The following TMPRSS12 variants were observed in gnomAD, a reference collection of about 807,000 sequenced individuals.
TMPRSS12 encodes the protein transmembrane protease serine 12.
A neutral mutation model predicts 26.0 loss-of-function variants in TMPRSS12; 25 were observed. That is an observed-to-expected ratio of 0.96 (90% CI 0.70 to 1.34). The LOEUF (loss-of-function observed/expected upper bound fraction) is 1.34, where lower values mean the gene tolerates loss of function less well. Among genes scored for constraint, TMPRSS12 ranks in the 40% most tolerant of loss-of-function variants. The pLI, the probability that TMPRSS12 is intolerant of heterozygous loss-of-function variation, is 0.00. For synonymous variants in TMPRSS12, 150 were observed against 161.7 expected, an observed-to-expected ratio of 0.93 and a Z score of 0.55; for missense variants, 441 against 440.1, an observed-to-expected ratio of 1.00 and a Z score of -0.02.
At chr12:50,874,886 C>T (rs937524484) in intron 3 of TMPRSS12, among the ~76,000 whole-genome samples, 7 of 151,888 alleles carry the variant, frequency 4.6e-5, no homozygotes, top group Non-Finnish European at 7.4e-5. Context: ...ACCAAGGAGG[C>T]GAAAGATCTC....
At chr12:50,876,308 T>C (rs1185709351) in intron 3 of TMPRSS12, among the ~76,000 whole-genome samples, 2 of 152,224 alleles carry the variant, frequency 1.3e-5, no homozygotes, top group Admixed American at 6.5e-5. Flanking sequence ...GAATAGAAAT[T>C]AGTTCAGCTT....
chr12:50,859,916 A>AT lies in TMPRSS12; in HGVS notation c.652+870dup, dbSNP rs1440879369. Among the ~76,000 whole-genome samples the AT allele has an allele frequency of 1.4e-4, 21 of 152,216 alleles. No homozygotes were observed. The South Asian group carries it at 1.5e-3, about 11-fold the overall frequency. ...TGCCTGACTGTGTTTCACTCTGTGT[A>AT]TTTTTTTATCACTTTATGCCATGAG... On this transcript the variant is annotated intron_variant, in intron 3 of 4. Transcript: ENST00000398458.
chr12:50,872,948 A>G (rs1938080361), intron 3 of TMPRSS12, among the ~76,000 whole-genome samples: 1 of 148,622 alleles, frequency 6.7e-6, no homozygotes, highest in African/African-American at 2.5e-5. Context: ...GTACATATAT[A>G]TGACGTATAT....
At chr12:50,876,680 T>C (rs1360383916) in intron 3 of TMPRSS12, among the ~76,000 whole-genome samples, 3 of 151,774 alleles carry the variant, frequency 2.0e-5, no homozygotes, top group African/African-American at 7.3e-5. Flanking sequence ...GGCGGGCGCC[T>C]GTAGTCCCAG....
In TMPRSS12 at chr12:50,844,002, G is replaced by T; in HGVS notation, c.348G>T (p.Trp116Cys). 6.2e-7 allele frequency: 1 copy of T among 1,600,756 alleles called. No homozygotes were observed. Among genetic ancestry groups the T allele is most frequent in the East Asian group, 2.3e-5 (1 of 44,436 alleles). ...VCGGTLVRER[W>C]VLTAAHCTKD... ...GGGGAACCCTAGTGAGAGAGAGGTGGGTCCTCACAGCTGCCCACTGCACTA... is the reference window on the plus strand; with the variant it reads ...GGGGAACCCTAGTGAGAGAGAGGTGTGTCCTCACAGCTGCCCACTGCACTA... Residue 116 changes from tryptophan to cysteine, a missense_variant, in exon 2 of 5, where the codon TGG becomes TGT. Physicochemically the swap from Trp to Cys is radical, Grantham distance 215. Coordinates refer to ENST00000398458, the MANE Select transcript of TMPRSS12 (RefSeq NM_182559.3).
chr12:50,859,733 G>A (rs769946265), intron 3 of TMPRSS12, among the ~76,000 whole-genome samples: 12 of 152,146 alleles, frequency 7.9e-5, no homozygotes, highest in Admixed American at 2.0e-4. Flanking sequence ...TTAGTACAGC[G>A]GAACAGGTGT....
intron 3 of TMPRSS12, among the ~76,000 whole-genome samples, chr12:50,861,868 G>A (rs12827444): frequency 0.26 from 39,798 of 150,536 alleles, 5,918 homozygotes; most frequent in Non-Finnish European, 0.34. Context: ...GGAGTGCAGT[G>A]GCGCAATCTC....
At position 50,885,357 on chromosome 12, in the gene TMPRSS12, G is replaced by A; in HGVS notation, c.764G>A (p.Gly255Asp). 2.5e-6 allele frequency: 4 copies of A among 1,613,818 alleles called. No individual in the cohort carries two copies. Among genetic ancestry groups the A allele is most frequent in the Non-Finnish European group, 3.4e-6 (4 of 1,179,824 alleles). Residue 255 changes from glycine to aspartate, a missense_variant, in exon 4 of 5, where the codon GGT becomes GAT. Gly to Asp is a moderately conservative substitution (Grantham distance 94). Transcript: ENST00000398458. ...GIIPNTSFCAGDEDGAFDTCR... is the reference protein window; with the variant it reads ...GIIPNTSFCADDEDGAFDTCR... Reference sequence around the variant, plus strand: ...ATTCCTAACACTTCATTTTGTGCAGGTGATGAAGATGGAGCTTTTGATACT... The same window carrying A: ...ATTCCTAACACTTCATTTTGTGCAGATGATGAAGATGGAGCTTTTGATACT...
At chr12:50,852,224 C>G (rs979064502) in intron 2 of TMPRSS12, among the ~76,000 whole-genome samples, 4 of 152,212 alleles carry the variant, frequency 2.6e-5, no homozygotes, top group Middle Eastern at 3.4e-3. Context: ...GTTAAACACC[C>G]CATTTATAAG....
chr12:50,876,266 G>A (rs1033621494), intron 3 of TMPRSS12, among the ~76,000 whole-genome samples: 1 of 152,214 alleles, frequency 6.6e-6, no homozygotes, highest in Non-Finnish European at 1.5e-5. Context: ...CCAAGGCTGT[G>A]AGAGAAAGGA....
At chr12:50,876,278 T>G (rs893446213) in intron 3 of TMPRSS12, among the ~76,000 whole-genome samples, 1 of 152,178 alleles carries the variant, frequency 6.6e-6, no homozygotes, top group Non-Finnish European at 1.5e-5. Flanking sequence ...GAGAAAGGAA[T>G]GCTTACACAC....
At chr12:50,858,066 T>A (rs531989867) in intron 2 of TMPRSS12, among the ~76,000 whole-genome samples, 1 of 152,232 alleles carries the variant, frequency 6.6e-6, no homozygotes, top group East Asian at 1.9e-4. Flanking sequence ...ATGGTCTCGA[T>A]CTCCTGACCT....
intron 1 of TMPRSS12, among the ~76,000 whole-genome samples, 152 bp from the exon 2 acceptor site, chr12:50,843,690 G>A (rs1937736266): frequency 6.6e-6 from 1 of 152,044 alleles, no homozygotes; most frequent in Non-Finnish European, 1.5e-5. Flanking sequence ...AACTCTCCAA[G>A]TTTCTTTCAA....
At position 50,862,044 on chromosome 12, in the gene TMPRSS12, G is replaced by A. The variant is rs543679610; in HGVS notation, c.652+2991G>A. On this transcript the variant is annotated intron_variant, in intron 3 of 4. Transcript: ENST00000398458. ...AGGATGGTCTTGATCTCCTGACCTC[G>A]TGATCCACCTGCCTCGGCCTCCCAA... is the stretch of plus-strand genomic sequence containing the variant. Among the ~76,000 whole-genome samples, 10 of 152,192 alleles carry A rather than the reference G, an allele frequency of 6.6e-5. No homozygotes were observed. The South Asian group carries it at 1.2e-3, about 19-fold the overall frequency.
intron 2 of TMPRSS12, among the ~76,000 whole-genome samples, chr12:50,852,654 C>T (rs1419636892): frequency 1.3e-5 from 2 of 152,136 alleles, no homozygotes; most frequent in Admixed American, 6.6e-5. Context: ...CGTGAACCAT[C>T]TTGGCCTTCC....
intron 2 of TMPRSS12, among the ~76,000 whole-genome samples, chr12:50,850,289 A>G (rs141214388): frequency 6.6e-6 from 1 of 152,216 alleles, no homozygotes; most frequent in African/African-American, 2.4e-5. Context: ...TTCATAATGG[A>G]TAGCACCAGC....
Position 50,881,961 on chromosome 12 carries a change from CAAAAAAAAAAAAAAAAAAAAAAAAA to C in TMPRSS12, c.653-3271_653-3247del, listed in dbSNP as rs1157663355. On this transcript the variant is annotated intron_variant, in intron 3 of 4. Coordinates refer to ENST00000398458, the MANE Select transcript of TMPRSS12 (RefSeq NM_182559.3). ...ACTCCAGCCCAGGGCGAGACCACTT[CAAAAAAAAAAAAAAAAAAAAAAAAA>C]AAAAAAAAAAAAATATATATATATA... is the stretch of plus-strand genomic sequence containing the variant. Among the ~76,000 whole-genome samples, 23 of 60,182 alleles carry C rather than the reference CAAAAAAAAAAAAAAAAAAAAAAAAA, an allele frequency of 3.8e-4. 1 individual carries two copies. Among genetic ancestry groups the C allele is most frequent in the South Asian group, 1.9e-3 (3 of 1,560 alleles). The allele number at this position is 60,182 out of a possible 152,430, so 39.5% of individuals were successfully genotyped here.
intron 2 of TMPRSS12, among the ~76,000 whole-genome samples, chr12:50,857,235 C>A (rs567266608): frequency 1.1e-4 from 17 of 152,166 alleles, no homozygotes; most frequent in African/African-American, 4.1e-4. Flanking sequence ...CTCCTGTATT[C>A]CACTTTGTAG....
intron 3 of TMPRSS12, among the ~76,000 whole-genome samples, chr12:50,864,805 C>T (rs1268187238): frequency 2.0e-5 from 3 of 152,010 alleles, no homozygotes; most frequent in Admixed American, 6.5e-5. Flanking sequence ...CTACAGGCGC[C>T]CACCACCACA....
Sources: gnomAD v4.1 joint callset for allele counts (sites outside exome capture counted in the v4.1 genomes callset) on GRCh38, gnomAD v4.1.1 for gene constraint, MANE v1.5 for transcripts, NCBI Gene and HGNC (gene_info 2026-07-23, HGNC 2026-07-21) for gene names.